CENPP: variants seen among roughly 807,000 people sequenced by gnomAD.
The protein encoded by CENPP is centromere protein P.
A neutral mutation model predicts 35.6 loss-of-function variants in CENPP; 24 were observed. That is an observed-to-expected ratio of 0.67 (90% confidence interval 0.49 to 0.95). CENPP has a LOEUF of 0.95. Ranked by LOEUF, CENPP falls within the 40% of genes least tolerant of loss-of-function variation. The pLI, the probability that CENPP is intolerant of heterozygous loss-of-function variation, is 0.00. For missense variants in CENPP, 332 were observed against 345.3 expected (o/e 0.96, Z 0.31); for synonymous variants, 120 against 125.5 (o/e 0.96, Z 0.29).
At chr9:92,539,580 G>C (rs1849270029) in intron 5 of CENPP, among the ~76,000 whole-genome samples, 1 of 152,080 alleles carries the variant, frequency 6.6e-6, no homozygotes, top group Non-Finnish European at 1.5e-5. Context: ...AAGGCTCTTG[G>C]TCTTGTTTAA....
At chr9:92,545,715 T>G (rs1849425038) in intron 5 of CENPP, among the ~76,000 whole-genome samples, 1 of 152,248 alleles carries the variant, frequency 6.6e-6, no homozygotes, top group Non-Finnish European at 1.5e-5. Flanking sequence ...CTCATCCAGC[T>G]GGGCTCTTGA....
intron 4 of CENPP, among the ~76,000 whole-genome samples, chr9:92,365,230 G>A (rs1264457591): frequency 1.3e-5 from 2 of 152,074 alleles, no homozygotes; most frequent in East Asian, 3.9e-4. Flanking sequence ...GGGCTGCACA[G>A]GAGGAGGGAA....
At chr9:92,560,416 A>G (rs1266771657) in intron 5 of CENPP, among the ~76,000 whole-genome samples, 2 of 152,128 alleles carry the variant, frequency 1.3e-5, no homozygotes, top group Admixed American at 6.5e-5. Flanking sequence ...CCCAGTTTCC[A>G]TCCTTTTGGA....
chr9:92,554,463 G>A (rs868016226), intron 5 of CENPP, among the ~76,000 whole-genome samples: 2 of 152,068 alleles, frequency 1.3e-5, no homozygotes, highest in South Asian at 2.1e-4. Flanking sequence ...GATTACAGGC[G>A]TGAGCCACTG....
intron 4 of CENPP, among the ~76,000 whole-genome samples, chr9:92,376,266 TG>T (rs1328466576): frequency 6.6e-6 from 1 of 152,228 alleles, no homozygotes. Context: ...GCATATCTGT[TG>T]TTTGTCTCAA....
chr9:92,336,155 T>G (rs1368126022), intron 2 of CENPP, among the ~76,000 whole-genome samples: 1 of 152,258 alleles, frequency 6.6e-6, no homozygotes, highest in African/African-American at 2.4e-5. Flanking sequence ...TAGATTGTTC[T>G]TCAATCTCTT....
chr9:92,569,321 C>T lies in CENPP; in HGVS notation c.565-41993C>T, dbSNP rs547444170. 4.6e-5 allele frequency among the ~76,000 whole-genome samples: 7 copies of T among 152,272 alleles called. No homozygotes were observed. In the South Asian group the frequency reaches 1.0e-3, roughly 23 times the overall value. ...TATAGCTAGCCAGTTTTCCCAGCAC[C>T]GTTTATTAAATAGGGAATCCTTTCC... On this transcript the variant is annotated intron_variant, in intron 5 of 7. Coordinates refer to ENST00000375587, the MANE Select transcript of CENPP (RefSeq NM_001012267.3).
intron 5 of CENPP, chr9:92,502,504 T>C: frequency 6.2e-7 from 1 of 1,611,580 alleles, no homozygotes; most frequent in East Asian, 2.2e-5. Flanking sequence ...AATTGTAGCA[T>C]GTACTTACTC....
intron 5 of CENPP, among the ~76,000 whole-genome samples, chr9:92,539,665 G>C (rs1849271495): frequency 6.6e-6 from 1 of 152,116 alleles, no homozygotes; most frequent in Non-Finnish European, 1.5e-5. Context: ...CTAAGTGAGG[G>C]GAGGAGTAGT....
chr9:92,537,866 G>A (rs1849225771), intron 5 of CENPP, among the ~76,000 whole-genome samples: 1 of 152,164 alleles, frequency 6.6e-6, no homozygotes, highest in African/African-American at 2.4e-5. Flanking sequence ...AACTTTGGGG[G>A]TAGAAAAATT....
At chr9:92,439,913 A>G (rs989114533) in intron 5 of CENPP, among the ~76,000 whole-genome samples, 3 of 152,206 alleles carry the variant, frequency 2.0e-5, no homozygotes, top group Non-Finnish European at 4.4e-5. Flanking sequence ...ACTTATGTTT[A>G]TTCAAGTTAA....
chr9:92,325,666 C>T (rs952429865), upstream of CENPP: 3 of 303,792 alleles, frequency 9.9e-6, no homozygotes, highest in Admixed American at 1.0e-4. Flanking sequence ...TTTAGTGAGG[C>T]ACGCGGCCGG....
At chr9:92,443,068 T>C in intron 5 of CENPP, among the ~76,000 whole-genome samples, 1 of 151,918 alleles carries the variant, frequency 6.6e-6, no homozygotes, top group Non-Finnish European at 1.5e-5. Context: ...AGCAGTGAGA[T>C]ACAGAAAAGA....
At chr9:92,465,012 G>C in intron 5 of CENPP, 1 of 1,612,904 alleles carries the variant, frequency 6.2e-7, no homozygotes. Context: ...TTATTATCAA[G>C]AGGGTTTGCA....
intron 5 of CENPP, among the ~76,000 whole-genome samples, chr9:92,481,130 C>T (rs1450264612): frequency 6.6e-6 from 1 of 152,086 alleles, no homozygotes; most frequent in African/African-American, 2.4e-5. Flanking sequence ...ATGATGTTTC[C>T]CACAGTGCCT....
chr9:92,403,079 A>T (rs1004984536), intron 5 of CENPP, among the ~76,000 whole-genome samples: 1 of 152,170 alleles, frequency 6.6e-6, no homozygotes, highest in Non-Finnish European at 1.5e-5. Context: ...ATACTCTAAA[A>T]ATACAATCTT....
chr9:92,381,229 C>G (rs759364128), intron 5 of CENPP, among the ~76,000 whole-genome samples: 1 of 151,804 alleles, frequency 6.6e-6, no homozygotes, highest in Non-Finnish European at 1.5e-5. Flanking sequence ...TGTCTTTTCA[C>G]TTAGCATAAT....
chr9:92,363,072 G>C (rs1841800235), intron 4 of CENPP, among the ~76,000 whole-genome samples: 1 of 152,058 alleles, frequency 6.6e-6, no homozygotes, highest in African/African-American at 2.4e-5. Context: ...TCCTGCCCTA[G>C]GTGTAGATTC....
intron 5 of CENPP, chr9:92,457,541 G>T: frequency 7.7e-7 from 1 of 1,304,012 alleles, no homozygotes; most frequent in Non-Finnish European, 1.1e-6. Flanking sequence ...GTAAACGGAA[G>T]ATACTCTGTA....
Sources: gnomAD v4.1 joint callset for allele counts (sites outside exome capture counted in the v4.1 genomes callset) on GRCh38, gnomAD v4.1.1 for gene constraint, MANE v1.5 for transcripts, NCBI Gene and HGNC (gene_info 2026-07-23, HGNC 2026-07-21) for gene names.